Variants in DLGAP1 observed in about 807,000 individuals in gnomAD.
The protein encoded by DLGAP1 is disks large-associated protein 1.
DLGAP1 carries 11 observed loss-of-function variants against 90.8 expected under a neutral mutation model. The observed-to-expected ratio is 0.12, with a 90% CI of 0.08 to 0.20. The LOEUF (loss-of-function observed/expected upper bound fraction) is 0.20. DLGAP1 is among the 10% of genes least tolerant of loss of function. DLGAP1 has a pLI of 1.00. For missense variants in DLGAP1, 1,050 were observed against 1,333.8 expected, an observed-to-expected ratio of 0.79 and a Z score of 3.31; for synonymous variants, 558 against 540.7, an observed-to-expected ratio of 1.03 and a Z score of -0.44.
At chr18:4,080,575 A>T (rs1349558401) in intron 2 of DLGAP1, among the ~76,000 whole-genome samples, 2 of 152,202 alleles carry the variant, frequency 1.3e-5, no homozygotes, top group Non-Finnish European at 2.9e-5. Flanking sequence ...GTTTGGATCT[A>T]GGAAAAGATT....
At chr18:4,377,965 G>A (rs13381555) in intron 1 of DLGAP1, among the ~76,000 whole-genome samples, 1,726 of 151,590 alleles carry the variant, frequency 0.011, 16 homozygotes, top group African/African-American at 0.023. Flanking sequence ...AACCTTTACT[G>A]AGCATGTACT....
Position 4,163,113 on chromosome 18 carries a change from C to A in DLGAP1, c.-266-11826G>T, listed in dbSNP as rs186743577. 4.5e-3 allele frequency among the ~76,000 whole-genome samples: 685 copies of A among 152,188 alleles called. 7 individuals carry two copies. Among genetic ancestry groups the A allele is most frequent in the African/African-American group, 0.015 (643 of 41,502 alleles). On this transcript the variant is annotated intron_variant, in intron 1 of 12. Transcript: ENST00000315677. ...GTCCAGCAATAGAAAGACATCTAAACCCAAGATATAGTTTAATGTTACAAA... is the reference window on the plus strand; with the variant it reads ...GTCCAGCAATAGAAAGACATCTAAAACCAAGATATAGTTTAATGTTACAAA...
intron 3 of DLGAP1, among the ~76,000 whole-genome samples, chr18:3,949,897 T>C (rs769348984): frequency 6.4e-4 from 98 of 152,340 alleles, no homozygotes; most frequent in African/African-American, 2.3e-3. Flanking sequence ...TTAGTCCACA[T>C]GATATTTTGT....
intron 1 of DLGAP1, among the ~76,000 whole-genome samples, chr18:4,445,655 G>T (rs1258232126): frequency 6.6e-6 from 1 of 151,738 alleles, no homozygotes; most frequent in Non-Finnish European, 1.5e-5. Context: ...CACTCTACTA[G>T]CTACTGGGCT....
intron 2 of DLGAP1, among the ~76,000 whole-genome samples, chr18:4,140,086 A>G (rs1393230450): frequency 6.6e-6 from 1 of 151,914 alleles, no homozygotes; most frequent in Non-Finnish European, 1.5e-5. Context: ...CTGGCAAGTT[A>G]AATCCATTTA....
intron 1 of DLGAP1, among the ~76,000 whole-genome samples, chr18:4,384,248 C>A (rs184729424): frequency 6.6e-6 from 1 of 152,160 alleles, no homozygotes; most frequent in Non-Finnish European, 1.5e-5. Context: ...AAGGCAACTG[C>A]ACACACTAAG....
At chr18:3,659,592 A>G (rs1468983334) in intron 7 of DLGAP1, among the ~76,000 whole-genome samples, 2 of 151,066 alleles carry the variant, frequency 1.3e-5, no homozygotes, top group Non-Finnish European at 2.9e-5. Flanking sequence ...TTGAGACAGA[A>G]TCTCCCTCTG....
chr18:3,539,465 G>C (rs547274445), intron 9 of DLGAP1, among the ~76,000 whole-genome samples: 3 of 152,334 alleles, frequency 2.0e-5, no homozygotes, highest in South Asian at 2.1e-4. Flanking sequence ...GCAAAGACTG[G>C]ATCAACCAGT....
rs751232327 is a variant in DLGAP1, at chr18:3,597,329, C to T, written c.1592-15081G>A. On this transcript the variant is annotated intron_variant, in intron 7 of 12. Transcript: ENST00000315677. Reference sequence around the variant, plus strand: ...CAACAGGCTATGAAGACTCCCTGCCCGGCTGCTATATGTCTGGTAAACAGA... The same window carrying T: ...CAACAGGCTATGAAGACTCCCTGCCTGGCTGCTATATGTCTGGTAAACAGA... 6.1e-5 allele frequency: 27 copies of T among 440,946 alleles called. No homozygotes were observed. In the East Asian group the frequency reaches 1.2e-3, roughly 19 times the overall value. 27.3% of individuals were successfully genotyped at this position (440,946 alleles called of 1,614,324 possible).
chr18:4,245,322 C>T (rs1228504346), intron 1 of DLGAP1, among the ~76,000 whole-genome samples: 2 of 152,110 alleles, frequency 1.3e-5, no homozygotes, highest in African/African-American at 2.4e-5. Context: ...ATTATGAAAA[C>T]ATATATTGTG....
intron 1 of DLGAP1, among the ~76,000 whole-genome samples, chr18:4,199,297 TAAAG>T (rs768865293): frequency 6.6e-6 from 1 of 152,198 alleles, no homozygotes; most frequent in African/African-American, 2.4e-5. Context: ...CAGCGTGGCG[TAAAG>T]AAAGAGTGAT....
At chr18:3,597,808 T>C (rs2056667540) in intron 7 of DLGAP1, 2 of 154,504 alleles carry the variant, frequency 1.3e-5, no homozygotes, top group African/African-American at 4.8e-5. Context: ...GTCAGCACGA[T>C]GAGGAATAAT....
At chr18:3,643,371 A>C (rs1259513935) in intron 7 of DLGAP1, among the ~76,000 whole-genome samples, 1 of 152,188 alleles carries the variant, frequency 6.6e-6, no homozygotes, top group African/African-American at 2.4e-5. Context: ...CATCTAAAAA[A>C]TGCTGAAGGA....
chr18:4,235,719 CTTTTTTTTTTT>C (rs1175101805), intron 1 of DLGAP1, among the ~76,000 whole-genome samples: 10 of 80,270 alleles, frequency 1.2e-4, no homozygotes, highest in Admixed American at 1.1e-3. Flanking sequence ...ATTTCAATGT[CTTTTTTTTTTT>C]TTTTTTTTTT....
intron 1 of DLGAP1, among the ~76,000 whole-genome samples, chr18:4,443,814 CTTT>C (rs1384664913): frequency 6.6e-6 from 1 of 152,178 alleles, no homozygotes; most frequent in Non-Finnish European, 1.5e-5. Context: ...AGCTTTCTGT[CTTT>C]TATTCTAGGT....
chr18:3,795,096 G>A (rs1168639565), intron 5 of DLGAP1, among the ~76,000 whole-genome samples: 1 of 152,148 alleles, frequency 6.6e-6, no homozygotes, highest in Non-Finnish European at 1.5e-5. Context: ...ATTGGCATGA[G>A]TGTAAGACTC....
chr18:3,975,496 C>T (rs2073552416), intron 3 of DLGAP1, among the ~76,000 whole-genome samples: 1 of 152,138 alleles, frequency 6.6e-6, no homozygotes, highest in African/African-American at 2.4e-5. Context: ...TGAACGCACT[C>T]ACTGTGGAAA....
chr18:4,074,886 A>G (rs1461058090), intron 2 of DLGAP1, among the ~76,000 whole-genome samples: 1 of 152,202 alleles, frequency 6.6e-6, no homozygotes, highest in African/African-American at 2.4e-5. Context: ...GAAAGTGTTT[A>G]CTGAAGAAAT....
chr18:3,634,189 T>C (rs1278472719), intron 7 of DLGAP1, among the ~76,000 whole-genome samples: 1 of 152,074 alleles, frequency 6.6e-6, no homozygotes, highest in Non-Finnish European at 1.5e-5. Flanking sequence ...GAGACTTTTT[T>C]CTTTAAAATA....
Sources: allele counts gnomAD v4.1 joint callset (sites outside exome capture counted in the v4.1 genomes callset), GRCh38; gene constraint gnomAD v4.1.1; transcripts MANE v1.5; gene names NCBI Gene and HGNC (gene_info 2026-07-23, HGNC 2026-07-21).